MYO5B: variants seen among roughly 807,000 people sequenced by gnomAD.
MYO5B encodes unconventional myosin-Vb.
A neutral mutation model predicts 229.3 loss-of-function variants in MYO5B; 143 were observed. The observed-to-expected ratio is 0.62, with a 90% CI of 0.54 to 0.72. The LOEUF (loss-of-function observed/expected upper bound fraction) is 0.72, where lower values mean the gene tolerates loss of function less well. Ranked by LOEUF, MYO5B falls within the 30% of genes least tolerant of loss-of-function variation. The pLI is 0.00. For synonymous variants in MYO5B, 918 were observed against 885.2 expected (o/e 1.04, Z -0.66); for missense variants, 2,321 against 2,331.0 (o/e 1.00, Z 0.09).
rs540303712 is a variant in MYO5B at position 49,913,086 on chromosome 18, A to G, written c.2091-913T>C. ...TTTTTCTTCTGATTATTAGAGTAAT[A>G]CAGGCCCACTGTAAAGAAAATGTCC... is the stretch of plus-strand genomic sequence containing the variant. On this transcript the variant is annotated intron_variant, in intron 17 of 39. Transcript: ENST00000285039. Among the ~76,000 whole-genome samples the G allele has an allele frequency of 9.8e-5, 15 of 152,352 alleles. No homozygotes were observed. In the South Asian group the frequency reaches 2.9e-3, roughly 29 times the overall value.
chr18:49,950,275 T>C (rs1334346794), intron 14 of MYO5B, among the ~76,000 whole-genome samples: 5 of 152,120 alleles, frequency 3.3e-5, no homozygotes, highest in Non-Finnish European at 5.9e-5. Flanking sequence ...ACGTTTTAGC[T>C]GGTGAGGGGG....
intron 35 of MYO5B, 109 bp from the exon 36 acceptor site, chr18:49,839,403 TC>T: frequency 1.9e-5 from 23 of 1,199,412 alleles, no homozygotes; most frequent in Non-Finnish European, 2.7e-5. Flanking sequence ...GGGGGCCTAC[TC>T]AGGCCCTCCC....
chr18:49,851,805 G>A (rs549145114), intron 31 of MYO5B, among the ~76,000 whole-genome samples: 19 of 152,282 alleles, frequency 1.2e-4, no homozygotes, highest in African/African-American at 4.6e-4. Context: ...CTCTGCCTGA[G>A]GTCAGTGCTT....
chr18:50,122,583 A>G (rs1230291934), intron 1 of MYO5B, among the ~76,000 whole-genome samples: 1 of 108,766 alleles, frequency 9.2e-6, no homozygotes, highest in African/African-American at 3.5e-5. Context: ...AGAGGGAGAG[A>G]GGAAGAGAGG....
Position 50,055,250 on chromosome 18 carries a change from C to CCCCCCCCCCCCCCA in MYO5B, c.138+17_138+18insTGGGGGGGGGGGGG. On this transcript the variant is annotated intron_variant, in intron 2 of 39. Coordinates refer to ENST00000285039, the MANE Select transcript of MYO5B (RefSeq NM_001080467.3). Reference sequence around the variant, plus strand: ...GCCCCACCTCACCCCCGCCCCCCTGCCCCGGACTCACTCTTACCGTTTCAT... The same window carrying CCCCCCCCCCCCCCA: ...GCCCCACCTCACCCCCGCCCCCCTGCCCCCCCCCCCCCCACCCGGACTCACTCTTACCGTTTCAT... The CCCCCCCCCCCCCCA allele has an allele frequency of 7.5e-7, 1 of 1,339,644 alleles. No homozygotes were observed. 83.0% of individuals were successfully genotyped at this position (1,339,644 alleles called of 1,614,324 possible).
At chr18:49,958,891 T>A (rs1425219455) in intron 12 of MYO5B, among the ~76,000 whole-genome samples, 1 of 152,114 alleles carries the variant, frequency 6.6e-6, no homozygotes, top group Admixed American at 6.5e-5. Flanking sequence ...CCACCTCAGC[T>A]TGCACACAGT....
Position 50,026,513 on chromosome 18 carries a change from CACAA to C in MYO5B, c.455+10333_455+10336del, listed in dbSNP as rs1466860820. The stretch of plus-strand genomic sequence containing the variant: ...ATAGAAGTTATAATTGGTTGCCAAG[CACAA>C]ACCTATTAAAAAGTCCAAAAGAATT... On this transcript the variant is annotated intron_variant, in intron 4 of 39. Transcript: ENST00000285039. Among the ~76,000 whole-genome samples the C allele has an allele frequency of 3.9e-5, 6 of 152,292 alleles. No individual in the cohort carries two copies. In the East Asian group the frequency reaches 1.2e-3, roughly 29 times the overall value.
At chr18:49,994,067 C>A (rs1357551373) in intron 5 of MYO5B, among the ~76,000 whole-genome samples, 1 of 152,178 alleles carries the variant, frequency 6.6e-6, no homozygotes, top group African/African-American at 2.4e-5. Context: ...CGGCTCTCTG[C>A]ACCTAGTCGA....
intron 4 of MYO5B, among the ~76,000 whole-genome samples, chr18:50,009,649 A>G: frequency 6.6e-6 from 1 of 152,154 alleles, no homozygotes; most frequent in Non-Finnish European, 1.5e-5. Context: ...GGTATATGGA[A>G]AACTACCATA....
intron 17 of MYO5B, among the ~76,000 whole-genome samples, chr18:49,927,428 A>G (rs1010685654): frequency 7.1e-6 from 1 of 140,160 alleles, no homozygotes; most frequent in African/African-American, 3.0e-5. Context: ...AAGACTAGCA[A>G]AAACAAAAAA....
chr18:50,008,329 T>C (rs527304317), intron 4 of MYO5B, among the ~76,000 whole-genome samples: 2 of 152,320 alleles, frequency 1.3e-5, no homozygotes, highest in East Asian at 3.9e-4. Flanking sequence ...CTAAATCCTA[T>C]GATGGTCAAT....
At chr18:49,847,000 G>A in intron 33 of MYO5B, 146 bp downstream of exon 33, 1 of 965,242 alleles carries the variant, frequency 1.0e-6, no homozygotes, top group East Asian at 2.5e-5. Context: ...TGGAAGATGG[G>A]GGCAGGTGCA....
At chr18:50,076,776 G>C (rs2031088046) in intron 1 of MYO5B, among the ~76,000 whole-genome samples, 1 of 152,126 alleles carries the variant, frequency 6.6e-6, no homozygotes, top group Admixed American at 6.5e-5. Flanking sequence ...CCCTGTGTGT[G>C]TCTCTCAATT....
At chr18:50,022,641 G>A (rs931063339) in intron 4 of MYO5B, among the ~76,000 whole-genome samples, 4 of 152,150 alleles carry the variant, frequency 2.6e-5, no homozygotes, top group African/African-American at 7.2e-5. Flanking sequence ...ACATTCAAAA[G>A]TTTGTTAGAT....
chr18:49,825,054 C>A lies in MYO5B; in HGVS notation c.*1417G>T, dbSNP rs1377596714. ...AGGGTGAAGGCAGGCTGTTCTACTTCCAATTCATGGATAAATCTTATTTTC... is the reference window on the plus strand; with the variant it reads ...AGGGTGAAGGCAGGCTGTTCTACTTACAATTCATGGATAAATCTTATTTTC... On this transcript the variant is annotated 3_prime_UTR_variant, in exon 40 of 40. Coordinates refer to ENST00000285039, the MANE Select transcript of MYO5B (RefSeq NM_001080467.3). The A allele has an allele frequency of 6.6e-6, 1 of 152,180 alleles. No individual in the cohort carries two copies. The highest frequency in any genetic ancestry group is 2.4e-5 in the African/African-American group (1 of 41,442). The allele number at this position is 152,180 out of a possible 1,614,324, so 9.4% of individuals were successfully genotyped here. A position where few individuals can be genotyped will look rare whatever the true frequency, so the allele number is the denominator to read the frequency against.
chr18:49,954,171 A>T lies in MYO5B; in HGVS notation c.1668+142T>A, dbSNP rs1213447535. On this transcript the variant is annotated intron_variant, in intron 13 of 39. Coordinates refer to ENST00000285039, the MANE Select transcript of MYO5B (RefSeq NM_001080467.3). ...TCCCCTAGAAGTAGAGGGGTGGGTA[A>T]AAGAGGATGGAAGGGGAACCTAGCT... 12 of 1,280,558 alleles carry T rather than the reference A, an allele frequency of 9.4e-6. No homozygotes were observed. In the East Asian group the frequency reaches 2.5e-4, roughly 26 times the overall value. 79.3% of individuals were successfully genotyped at this position (1,280,558 alleles called of 1,614,324 possible). A position where few individuals can be genotyped will look rare whatever the true frequency, so the allele number is the denominator to read the frequency against.
chr18:49,854,821 A>C (rs1462373941), intron 30 of MYO5B, among the ~76,000 whole-genome samples: 1 of 152,136 alleles, frequency 6.6e-6, no homozygotes, highest in Non-Finnish European at 1.5e-5. Context: ...CCATGTCTAC[A>C]AGGGAGCAAG....
At chr18:50,018,274 G>C (rs2026237120) in intron 4 of MYO5B, among the ~76,000 whole-genome samples, 1 of 129,006 alleles carries the variant, frequency 7.8e-6, no homozygotes, top group African/African-American at 2.9e-5. Context: ...CCTTTTGCTT[G>C]CTCATACATA....
At chr18:49,894,736 C>G (rs1422318188) in intron 22 of MYO5B, among the ~76,000 whole-genome samples, 1 of 152,244 alleles carries the variant, frequency 6.6e-6, no homozygotes, top group Non-Finnish European at 1.5e-5. Context: ...TAGTGTCCAG[C>G]TAACAGCAGA....
Sources: allele counts gnomAD v4.1 joint callset (sites outside exome capture counted in the v4.1 genomes callset), GRCh38; gene constraint gnomAD v4.1.1; transcripts MANE v1.5; gene names NCBI Gene and HGNC (gene_info 2026-07-23, HGNC 2026-07-21).